HS3ST3A1: variants seen among roughly 807,000 people sequenced by gnomAD.
The protein encoded by HS3ST3A1 is heparan sulfate glucosamine 3-O-sulfotransferase 3A1.
In HS3ST3A1, 19 loss-of-function variants were observed where a neutral mutation model predicts 25.7. The ratio of observed to expected loss-of-function variants is 0.74; its 90% confidence interval spans 0.52 to 1.08. The LOEUF (loss-of-function observed/expected upper bound fraction) is 1.08. HS3ST3A1 is among the 50% of genes least tolerant of loss of function. HS3ST3A1 has a pLI of 0.00. For missense variants in HS3ST3A1, 459 were observed against 594.3 expected (o/e 0.77, Z 2.37); for synonymous variants, 226 against 278.6 (o/e 0.81, Z 1.88).
rs190392429 is a variant in HS3ST3A1 at position 13,581,820 on chromosome 17, A to C, written c.599+18711T>G. Among the ~76,000 whole-genome samples, 358 of 152,330 alleles carry C rather than the reference A, an allele frequency of 2.4e-3. 1 individual carries two copies. The highest frequency in any genetic ancestry group is 6.5e-3 in the African/African-American group (271 of 41,578). ...GTTCATTTCCAATGCTAATAATGAG[A>C]TTTTGTGATAGTGTACTTTTTTCTT... On this transcript the variant is annotated intron_variant, in intron 1 of 1. Coordinates refer to ENST00000284110, the MANE Select transcript of HS3ST3A1 (RefSeq NM_006042.3).
chr17:13,563,208 G>C (rs576547134), intron 1 of HS3ST3A1, among the ~76,000 whole-genome samples: 7 of 151,836 alleles, frequency 4.6e-5, no homozygotes, highest in Non-Finnish European at 8.8e-5. Context: ...TGAAATGTTC[G>C]CCAGAACCGC....
At position 13,495,947 on chromosome 17, in the gene HS3ST3A1, T is replaced by C. The variant is rs1193116498; in HGVS notation, c.*250A>G. On this transcript the variant is annotated 3_prime_UTR_variant, in exon 2 of 2. Transcript: ENST00000284110. ...CTGATGCTTATACTTTATGACTGGG[T>C]ATATAGAACATAAAATAAAAACTGA... is the stretch of plus-strand genomic sequence containing the variant. The C allele has an allele frequency of 7.3e-6, 3 of 413,278 alleles. No homozygotes were observed. The highest frequency in any genetic ancestry group is 4.1e-5 in the African/African-American group (2 of 48,812). The allele number at this position is 413,278 out of a possible 1,614,324, so 25.6% of individuals were successfully genotyped here.
intron 1 of HS3ST3A1, among the ~76,000 whole-genome samples, chr17:13,587,506 C>T (rs1274725498): frequency 2.0e-5 from 3 of 152,122 alleles, no homozygotes; most frequent in Admixed American, 6.5e-5. Flanking sequence ...TTGTTCCTAA[C>T]TTGATGTCTC....
intron 1 of HS3ST3A1, among the ~76,000 whole-genome samples, chr17:13,545,580 A>G (rs975460487): frequency 6.6e-6 from 1 of 152,158 alleles, no homozygotes; most frequent in African/African-American, 2.4e-5. Context: ...AAATAACCCC[A>G]CTATGCTTAG....
Position 13,496,314 on chromosome 17 carries a change from C to G in HS3ST3A1, c.1104G>C (p.Lys368Asn). ...SSRPHCLGKT[K>N]GRTHPEIDRE... ...GGTCGATCTCAGGATGGGTCCTGCC[C>G]TTGGTCTTGCCCAGGCAATGGGGCC... The change falls in exon 2 of 2, where the codon AAG becomes AAC. Residue 368 changes from lysine (K) to asparagine (N), a missense_variant. Coordinates refer to ENST00000284110, the MANE Select transcript of HS3ST3A1 (RefSeq NM_006042.3). 1.3e-6 allele frequency: 2 copies of G among 1,559,924 alleles called. No individual in the cohort carries two copies. Among genetic ancestry groups the G allele is most frequent in the African/African-American group, 1.4e-5 (1 of 72,026 alleles).
chr17:13,506,183 C>G (rs1435634675), intron 1 of HS3ST3A1, among the ~76,000 whole-genome samples: 2 of 149,420 alleles, frequency 1.3e-5, no homozygotes, highest in African/African-American at 4.9e-5. Context: ...GATCATGTAT[C>G]TCCATGAAGA....
At chr17:13,568,555 C>A (rs1907729573) in intron 1 of HS3ST3A1, among the ~76,000 whole-genome samples, 1 of 152,084 alleles carries the variant, frequency 6.6e-6, no homozygotes, top group African/African-American at 2.4e-5. Flanking sequence ...CCAGATTTTT[C>A]ATAATAATTT....
chr17:13,575,297 G>A (rs1175261766), intron 1 of HS3ST3A1, among the ~76,000 whole-genome samples: 1 of 152,172 alleles, frequency 6.6e-6, no homozygotes, highest in Admixed American at 6.5e-5. Flanking sequence ...AAAAGAAATG[G>A]ATAATGGATG....
chr17:13,600,619 A>T lies in HS3ST3A1; in HGVS notation c.511T>A (p.Phe171Ile). 6.3e-7 allele frequency: 1 copy of T among 1,598,146 alleles called. No individual in the cohort carries two copies. Among genetic ancestry groups the T allele is most frequent in the Non-Finnish European group, 8.5e-7 (1 of 1,177,198 alleles). ...KKGGTRALLE[F>I]LRVHPDVRAV... is the part of the protein sequence containing the mutation. ...CGCACGTCGGGGTGCACGCGCAGGA[A>T]CTCCAGCAGCGCCCGCGTGCCGCCC... Residue 171 changes from phenylalanine (F) to isoleucine (I), a missense_variant, in exon 1 of 2, where the codon TTC becomes ATC. Physicochemically the swap from Phe to Ile is conservative, Grantham distance 21. Coordinates refer to ENST00000284110, the MANE Select transcript of HS3ST3A1 (RefSeq NM_006042.3).
At chr17:13,501,201 T>G (rs533781973) in intron 1 of HS3ST3A1, among the ~76,000 whole-genome samples, 74 of 151,754 alleles carry the variant, frequency 4.9e-4, no homozygotes, top group African/African-American at 1.4e-3. Context: ...ACAACGTGTA[T>G]GTACTTAACA....
At chr17:13,512,605 T>A (rs963317789) in intron 1 of HS3ST3A1, among the ~76,000 whole-genome samples, 1 of 152,218 alleles carries the variant, frequency 6.6e-6, no homozygotes, top group African/African-American at 2.4e-5. Context: ...TGGGTACTTG[T>A]GACAGAGATC....
chr17:13,508,714 G>A (rs907754000), intron 1 of HS3ST3A1, among the ~76,000 whole-genome samples: 4 of 152,178 alleles, frequency 2.6e-5, no homozygotes, highest in African/African-American at 9.7e-5. Context: ...GAGCCGGTGT[G>A]CTTCTATCAA....
chr17:13,576,709 T>G (rs1238213128), intron 1 of HS3ST3A1, among the ~76,000 whole-genome samples: 1 of 152,264 alleles, frequency 6.6e-6, no homozygotes, highest in Non-Finnish European at 1.5e-5. Flanking sequence ...CTGAGGCATC[T>G]GATTTTAATT....
intron 1 of HS3ST3A1, among the ~76,000 whole-genome samples, chr17:13,550,795 G>A (rs772638822): frequency 5.3e-5 from 8 of 152,144 alleles, no homozygotes; most frequent in African/African-American, 9.7e-5. Flanking sequence ...CAGGCCCGGC[G>A]CAGTGGCTCA....
intron 1 of HS3ST3A1, among the ~76,000 whole-genome samples, chr17:13,522,221 T>C (rs1906270328): frequency 7.3e-6 from 1 of 136,602 alleles, no homozygotes; most frequent in South Asian, 2.4e-4. Flanking sequence ...ATAAATAACA[T>C]GGATTATGGT....
chr17:13,512,847 C>G (rs1012576630), intron 1 of HS3ST3A1, among the ~76,000 whole-genome samples: 2 of 151,936 alleles, frequency 1.3e-5, no homozygotes, highest in Non-Finnish European at 2.9e-5. Context: ...CATTGCTGGC[C>G]CATCAACAGA....
intron 1 of HS3ST3A1, among the ~76,000 whole-genome samples, chr17:13,509,237 G>A (rs1905783187): frequency 6.6e-6 from 1 of 152,086 alleles, no homozygotes; most frequent in Admixed American, 6.5e-5. Context: ...GCTCAGCTAA[G>A]TTTTATTTCA....
intron 1 of HS3ST3A1, among the ~76,000 whole-genome samples, chr17:13,535,445 A>G (rs1013720090): frequency 2.0e-5 from 3 of 152,204 alleles, no homozygotes; most frequent in African/African-American, 7.2e-5. Flanking sequence ...ACAGTATGAG[A>G]GCTAAAACAA....
chr17:13,542,964 G>C (rs1323744330), intron 1 of HS3ST3A1, among the ~76,000 whole-genome samples: 2 of 152,174 alleles, frequency 1.3e-5, no homozygotes, highest in African/African-American at 4.8e-5. Flanking sequence ...GGTTCTGACA[G>C]CTTCCAGAGA....
Sources: allele counts gnomAD v4.1 joint callset (sites outside exome capture counted in the v4.1 genomes callset), GRCh38; gene constraint gnomAD v4.1.1; transcripts MANE v1.5; gene names NCBI Gene and HGNC (gene_info 2026-07-23, HGNC 2026-07-21).